The following SSBP3 variants were observed in gnomAD, a reference collection of about 807,000 sequenced individuals.
The protein encoded by SSBP3 is single-stranded DNA-binding protein 3.
SSBP3 carries 5 observed loss-of-function variants against 69.6 expected under a neutral mutation model. The observed-to-expected ratio is 0.07, with a 90% CI of 0.04 to 0.15. The LOEUF (loss-of-function observed/expected upper bound fraction) is 0.15. Ranked by LOEUF, SSBP3 falls within the 10% of genes least tolerant of loss-of-function variation. The pLI, the probability that SSBP3 is intolerant of heterozygous loss-of-function variation, is 1.00. For synonymous variants in SSBP3, 196 were observed against 193.4 expected (o/e 1.01, Z -0.11); for missense variants, 312 against 534.0 (o/e 0.58, Z 4.10).
At chr1:54,336,083 T>G (rs1248732605) in intron 4 of SSBP3, among the ~76,000 whole-genome samples, 1 of 152,222 alleles carries the variant, frequency 6.6e-6, no homozygotes, top group Non-Finnish European at 1.5e-5. Flanking sequence ...AAGAAGGGAA[T>G]AAACAGAACC....
intron 13 of SSBP3, 24 bp from the exon 14 acceptor site, chr1:54,239,223 A>G (rs753476139): frequency 3.2e-6 from 5 of 1,574,870 alleles, no homozygotes; most frequent in Non-Finnish European, 4.3e-6. Context: ...GAAACCCACA[A>G]GTCGGGGTGA....
At chr1:54,413,110 CCT>C (rs1164451781) in intron 1 of SSBP3, 1 of 152,186 alleles carries the variant, frequency 6.6e-6, no homozygotes, top group African/African-American at 2.4e-5. Flanking sequence ...GCAGCACACC[CCT>C]GTCTGAGCAT....
intron 4 of SSBP3, chr1:54,356,321 T>C (rs995341214): frequency 3.3e-5 from 5 of 152,038 alleles, no homozygotes; most frequent in African/African-American, 4.8e-5. Context: ...ACAGACACGG[T>C]GCAAAGGAAA....
intron 4 of SSBP3, among the ~76,000 whole-genome samples, chr1:54,323,454 G>C (rs1315491940): frequency 6.6e-6 from 1 of 152,190 alleles, no homozygotes; most frequent in African/African-American, 2.4e-5. Context: ...CAGGCGTCCT[G>C]CTGGAAGGAG....
At chr1:54,248,652 G>A (rs1306295001) in intron 9 of SSBP3, among the ~76,000 whole-genome samples, 1 of 152,100 alleles carries the variant, frequency 6.6e-6, no homozygotes, top group Admixed American at 6.5e-5. Context: ...GGCCCAAGAT[G>A]AGCCCGTAGG....
chr1:54,400,771 G>A (rs1044737965), intron 4 of SSBP3, among the ~76,000 whole-genome samples: 10 of 152,266 alleles, frequency 6.6e-5, no homozygotes, highest in Non-Finnish European at 1.5e-4. Context: ...TGAAGACATT[G>A]GTGATCATGG....
chr1:54,307,009 A>G (rs1645912411), intron 4 of SSBP3, among the ~76,000 whole-genome samples: 1 of 152,138 alleles, frequency 6.6e-6, no homozygotes, highest in Non-Finnish European at 1.5e-5. Context: ...AGACTCAAGC[A>G]GCATTCCAGC....
In SSBP3 at chr1:54,316,672, AT is replaced by A. The variant is rs1237703418; in HGVS notation, c.277-35146del. Among the ~76,000 whole-genome samples the A allele has an allele frequency of 4.5e-3, 406 of 89,852 alleles. 39 individuals are homozygous for A. Among genetic ancestry groups the A allele is most frequent in the African/African-American group, 0.014 (274 of 18,958 alleles). 58.9% of individuals were successfully genotyped at this position (89,852 alleles called of 152,430 possible). On this transcript the variant is annotated intron_variant, in intron 4 of 17. Transcript: ENST00000610401. ...CAAAAAAAAAAAATAAAATAAATAA[AT>A]AAATAAATAAATAAATAAATAAATA...
At chr1:54,234,685 G>C (rs897457457) in intron 14 of SSBP3, among the ~76,000 whole-genome samples, 6 of 151,826 alleles carry the variant, frequency 4.0e-5, no homozygotes, top group Admixed American at 2.6e-4. Context: ...GGATACATTA[G>C]AACATTCTGC....
chr1:54,317,363 C>T (rs1364338780), intron 4 of SSBP3, among the ~76,000 whole-genome samples: 4 of 152,072 alleles, frequency 2.6e-5, no homozygotes. Context: ...ACAGTGAAAA[C>T]TTGTCTCTAC....
At chr1:54,305,357 G>A (rs754465088) in intron 4 of SSBP3, among the ~76,000 whole-genome samples, 23 of 145,674 alleles carry the variant, frequency 1.6e-4, no homozygotes, top group South Asian at 8.6e-4. Context: ...ACATGGTAGG[G>A]TTTCGATAAA....
At chr1:54,328,023 G>C (rs1462884101) in intron 4 of SSBP3, among the ~76,000 whole-genome samples, 1 of 152,168 alleles carries the variant, frequency 6.6e-6, no homozygotes, top group East Asian at 1.9e-4. Flanking sequence ...TAAATGTTAT[G>C]ATCCTCAAAA....
chr1:54,347,572 G>A (rs1557552127), intron 4 of SSBP3, among the ~76,000 whole-genome samples: 1 of 152,196 alleles, frequency 6.6e-6, no homozygotes, highest in Non-Finnish European at 1.5e-5. Context: ...GGCTGAACCT[G>A]CAGATGTGGA....
At chr1:54,374,932 G>A (rs575716644) in intron 4 of SSBP3, among the ~76,000 whole-genome samples, 2 of 152,180 alleles carry the variant, frequency 1.3e-5, no homozygotes, top group Non-Finnish European at 2.9e-5. Flanking sequence ...GGGCCAGAGA[G>A]GGGGAGGGGA....
intron 4 of SSBP3, among the ~76,000 whole-genome samples, chr1:54,376,835 C>T (rs1376854644): frequency 2.0e-5 from 3 of 152,200 alleles, no homozygotes; most frequent in African/African-American, 7.2e-5. Context: ...CACTGCCCAT[C>T]CCAGGAGTTT....
intron 5 of SSBP3, among the ~76,000 whole-genome samples, chr1:54,272,134 T>C (rs1420076365): frequency 6.6e-6 from 1 of 152,192 alleles, no homozygotes; most frequent in East Asian, 1.9e-4. Flanking sequence ...AGGAGCTTCA[T>C]GGATTCTAAG....
At chr1:54,295,463 T>C (rs1158598320) in intron 4 of SSBP3, among the ~76,000 whole-genome samples, 3 of 152,174 alleles carry the variant, frequency 2.0e-5, no homozygotes. Context: ...CCCGTGTCCC[T>C]TTCATGAGGC....
intron 4 of SSBP3, among the ~76,000 whole-genome samples, chr1:54,396,217 AAAC>A (rs1178094015): frequency 2.0e-4 from 29 of 146,094 alleles, no homozygotes; most frequent in Admixed American, 3.4e-4. Context: ...AAAAAAAAAA[AAAC>A]AACCCCATTA....
rs374020140 is a variant in SSBP3, at chr1:54,267,730, AC to A, written c.367-9582del. Among the ~76,000 whole-genome samples, 100 of 152,290 alleles carry A rather than the reference AC, an allele frequency of 6.6e-4. 1 individual carries two copies. In the East Asian group the frequency reaches 0.01, roughly 16 times the overall value. On this transcript the variant is annotated intron_variant, in intron 5 of 17. Coordinates refer to ENST00000610401, the Ensembl canonical transcript of SSBP3. Reference sequence around the variant, plus strand: ...GGGGCTTGACCAAGGAAATGGCAATACGATCTGTATCGTGGGAATCACATAT... The same window carrying A: ...GGGGCTTGACCAAGGAAATGGCAATAGATCTGTATCGTGGGAATCACATAT...
Sources: gnomAD v4.1 joint callset for allele counts (sites outside exome capture counted in the v4.1 genomes callset) on GRCh38, gnomAD v4.1.1 for gene constraint, MANE v1.5 for transcripts, NCBI Gene and HGNC (gene_info 2026-07-23, HGNC 2026-07-21) for gene names.